LARGE1: variants seen among roughly 807,000 people sequenced by gnomAD.
The protein encoded by LARGE1 is LARGE xylosyl- and glucuronyltransferase 1.
Under a neutral mutation model 87.6 loss-of-function variants are expected in LARGE1, and 43 were observed. The observed-to-expected ratio is 0.49, with a 90% CI of 0.38 to 0.63. The LOEUF (loss-of-function observed/expected upper bound fraction) is 0.63. Among genes scored for constraint, LARGE1 ranks in the 30% least tolerant of loss-of-function variants. The pLI is 0.00. For synonymous variants in LARGE1, 434 were observed against 394.6 expected (o/e 1.10, Z -1.18); for missense variants, 802 against 1,000.2 (o/e 0.80, Z 2.67).
chr22:33,852,709 A>C (rs2063629315), intron 1 of LARGE1, among the ~76,000 whole-genome samples: 2 of 151,742 alleles, frequency 1.3e-5, no homozygotes, highest in Admixed American at 6.6e-5. Context: ...ACAAAAAATA[A>C]GCCGGGCGTG....
At chr22:33,681,770 G>T (rs760167811) in intron 2 of LARGE1, among the ~76,000 whole-genome samples, 4 of 152,162 alleles carry the variant, frequency 2.6e-5, no homozygotes, top group Non-Finnish European at 5.9e-5. Context: ...TTGCTAATTT[G>T]CAATTCTTAC....
chr22:33,889,881 G>C (rs1026919738), intron 1 of LARGE1, among the ~76,000 whole-genome samples: 4 of 152,240 alleles, frequency 2.6e-5, no homozygotes, highest in African/African-American at 9.6e-5. Flanking sequence ...CCAGGAAAAC[G>C]GAAATGGCCC....
At chr22:33,807,074 C>T (rs1305849511) in intron 1 of LARGE1, among the ~76,000 whole-genome samples, 1 of 152,142 alleles carries the variant, frequency 6.6e-6, no homozygotes, top group Non-Finnish European at 1.5e-5. Context: ...GCTGGATAGG[C>T]AGTTTGTTTG....
At chr22:33,199,144 G>A (rs1339068792) in intron 11 of LARGE1, among the ~76,000 whole-genome samples, 1 of 151,226 alleles carries the variant, frequency 6.6e-6, no homozygotes, top group East Asian at 1.9e-4. Context: ...CCGCTTGTAT[G>A]TCTTCTTTTT....
At chr22:33,154,817 T>G in the LARGE1 span, among the ~76,000 whole-genome samples, 1 of 152,234 alleles carries the variant, frequency 6.6e-6, no homozygotes, top group Non-Finnish European at 1.5e-5. Context: ...AAATCTCATC[T>G]TGAATTGTAA....
At chr22:33,441,002 G>C (rs1016190977) in intron 6 of LARGE1, among the ~76,000 whole-genome samples, 3 of 151,014 alleles carry the variant, frequency 2.0e-5, no homozygotes, top group African/African-American at 7.4e-5. Context: ...CAAAACTCTG[G>C]CTTGAAGTTC....
chr22:33,356,447 A>C (rs146602894), intron 9 of LARGE1, among the ~76,000 whole-genome samples: 11,528 of 152,160 alleles, frequency 0.076, 513 homozygotes, highest in South Asian at 0.14. Flanking sequence ...AAGGTGTTTA[A>C]CCTTTGTGTG....
chr22:33,273,294 C>G lies in LARGE1; in HGVS notation c.*1133G>C. On this transcript the variant is annotated 3_prime_UTR_variant, in exon 15 of 15. Coordinates refer to ENST00000397394, the MANE Select transcript of LARGE1 (RefSeq NM_133642.5). ...GGTGGTTGCCTACCCTTGGACAGGT[C>G]CCAAAGGGAGACTGAGGTTGTCACC... The G allele has an allele frequency of 2.5e-6, 1 of 398,088 alleles. No homozygotes were observed. The highest frequency in any genetic ancestry group is 4.4e-6 in the Non-Finnish European group (1 of 225,988). The allele number at this position is 398,088 out of a possible 1,614,324, so 24.7% of individuals were successfully genotyped here.
intron 11 of LARGE1, among the ~76,000 whole-genome samples, chr22:33,256,943 A>G (rs942942306): frequency 4.6e-5 from 7 of 152,172 alleles, no homozygotes; most frequent in African/African-American, 1.7e-4. Context: ...TGCTGGCTCA[A>G]GCCTATAATC....
intron 6 of LARGE1, among the ~76,000 whole-genome samples, chr22:33,550,266 A>C (rs1227609393): frequency 6.6e-6 from 1 of 152,070 alleles, no homozygotes; most frequent in Admixed American, 6.6e-5. Flanking sequence ...AACCACTTAA[A>C]ACTACCAAGT....
intron 5 of LARGE1, among the ~76,000 whole-genome samples, chr22:33,588,187 T>C (rs910146318): frequency 6.6e-6 from 1 of 152,098 alleles, no homozygotes; most frequent in African/African-American, 2.4e-5. Context: ...AGCCGAGGGG[T>C]CCATCCACGT....
intron 6 of LARGE1, among the ~76,000 whole-genome samples, chr22:33,533,742 T>A (rs1602292211): frequency 6.6e-6 from 1 of 152,208 alleles, no homozygotes; most frequent in Non-Finnish European, 1.5e-5. Context: ...TTTTGACCCA[T>A]TTTTAAAAAT....
intron 1 of LARGE1, among the ~76,000 whole-genome samples, chr22:33,828,899 C>T (rs1358817901): frequency 6.6e-6 from 1 of 152,068 alleles, no homozygotes; most frequent in South Asian, 2.1e-4. Context: ...GCTATTCCCT[C>T]TCGCTGGAAT....
the LARGE1 span, among the ~76,000 whole-genome samples, chr22:33,096,431 A>C: frequency 6.6e-6 from 1 of 151,964 alleles, no homozygotes; most frequent in Admixed American, 6.6e-5. Context: ...AAAAAAAAAA[A>C]AAGGATATAA....
chr22:33,829,583 T>C (rs1229064793), intron 1 of LARGE1, among the ~76,000 whole-genome samples: 2 of 152,102 alleles, frequency 1.3e-5, no homozygotes, highest in African/African-American at 2.4e-5. Context: ...ATATTACCTC[T>C]CAAAAATTCT....
chr22:33,443,075 A>G (rs1408164693), intron 6 of LARGE1, among the ~76,000 whole-genome samples: 3 of 152,188 alleles, frequency 2.0e-5, no homozygotes, highest in African/African-American at 4.8e-5. Flanking sequence ...TACAGACGTG[A>G]GCCACTGCAC....
At chr22:33,285,929 C>T (rs974314785) in intron 12 of LARGE1, among the ~76,000 whole-genome samples, 1 of 152,192 alleles carries the variant, frequency 6.6e-6, no homozygotes, top group Non-Finnish European at 1.5e-5. Context: ...ATCTCACCAG[C>T]TCCCAGTAGA....
At position 33,861,420 on chromosome 22, in the gene LARGE1, A is replaced by C. The variant is rs1022564987; in HGVS notation, c.-83+58575T>G. On this transcript the variant is annotated intron_variant, in intron 1 of 14. Transcript: ENST00000397394. ...CACACAAACACACACACACACACAC[A>C]CCCTTAGCCTACAATTTACAGCAAC... The C allele has an allele frequency of 6.6e-5, 10 of 151,724 alleles. No individual in the cohort carries two copies. The East Asian group carries it at 1.2e-3, about 18-fold the overall frequency. 9.4% of individuals were successfully genotyped at this position (151,724 alleles called of 1,614,324 possible).
At chr22:33,071,701 C>A in the LARGE1 span, among the ~76,000 whole-genome samples, 1 of 152,086 alleles carries the variant, frequency 6.6e-6, no homozygotes, top group African/African-American at 2.4e-5. Flanking sequence ...GAATGACTAG[C>A]ATAATAAATA....
Sources: gnomAD v4.1 joint callset for allele counts (sites outside exome capture counted in the v4.1 genomes callset) on GRCh38, gnomAD v4.1.1 for gene constraint, MANE v1.5 for transcripts, NCBI Gene and HGNC (gene_info 2026-07-23, HGNC 2026-07-21) for gene names.